The following ARHGAP29 variants were observed in gnomAD, a reference collection of about 807,000 sequenced individuals.
ARHGAP29 encodes rho GTPase-activating protein 29.
ARHGAP29 carries 43 observed loss-of-function variants against 122.6 expected under a neutral mutation model. That is an observed-to-expected ratio of 0.35 (90% confidence interval 0.27 to 0.45). The LOEUF (loss-of-function observed/expected upper bound fraction) is 0.45. Among genes scored for constraint, ARHGAP29 ranks in the 20% least tolerant of loss-of-function variants. ARHGAP29 has a pLI of 1.00. For missense variants in ARHGAP29, 1,303 were observed against 1,477.2 expected (o/e 0.88, Z 1.93); for synonymous variants, 506 against 497.1 (o/e 1.02, Z -0.24).
the ARHGAP29 span, among the ~76,000 whole-genome samples, chr1:94,312,579 G>C: frequency 6.6e-6 from 1 of 151,730 alleles, no homozygotes; most frequent in Non-Finnish European, 1.5e-5. Flanking sequence ...TTACAGGTGT[G>C]TGCCACCACA....
At chr1:94,311,062 C>A in the ARHGAP29 span, among the ~76,000 whole-genome samples, 2 of 152,212 alleles carry the variant, frequency 1.3e-5, no homozygotes, top group Non-Finnish European at 2.9e-5. Flanking sequence ...CCTTGCCTCT[C>A]TCCTCTTGGC....
At chr1:94,207,650 T>TAA (rs1364926609) in intron 5 of ARHGAP29, among the ~76,000 whole-genome samples, 3 of 152,142 alleles carry the variant, frequency 2.0e-5, no homozygotes, top group African/African-American at 7.2e-5. Context: ...TTAAACATCT[T>TAA]ACAACTTTTC....
At chr1:94,196,478 G>T (rs1650488629) in intron 12 of ARHGAP29, among the ~76,000 whole-genome samples, 1 of 151,236 alleles carries the variant, frequency 6.6e-6, no homozygotes, top group African/African-American at 2.4e-5. Flanking sequence ...AGCCAGGATG[G>T]TCTCGATCTC....
At chr1:94,215,710 C>G (rs1651917908) in intron 3 of ARHGAP29, among the ~76,000 whole-genome samples, 1 of 151,982 alleles carries the variant, frequency 6.6e-6, no homozygotes, top group African/African-American at 2.4e-5. Flanking sequence ...GCAGAGAAGC[C>G]TTTCCTAATA....
At chr1:94,180,019 TACTAACAGTTACAGAGTG>T (rs1423396712) in intron 19 of ARHGAP29, 62 bp from the exon 20 acceptor site, 3 of 1,099,090 alleles carry the variant, frequency 2.7e-6, no homozygotes, top group Non-Finnish European at 3.9e-6. Context: ...AATCAACTAT[TACTAACAGTTACAGAGTG>T]ATTTAGCATG....
intron 2 of ARHGAP29, among the ~76,000 whole-genome samples, chr1:94,222,775 A>AT (rs1034696535): frequency 2.6e-5 from 4 of 152,218 alleles, no homozygotes; most frequent in African/African-American, 9.6e-5. Context: ...TCTAAGAGAT[A>AT]TAAGATGTTA....
chr1:94,239,546 GGAAA>G (rs777780226), upstream of ARHGAP29, among the ~76,000 whole-genome samples: 55 of 151,424 alleles, frequency 3.6e-4, no homozygotes, highest in Admixed American at 2.4e-3. Flanking sequence ...TATGTGAGAA[GGAAA>G]GAGAGACAAC....
intron 2 of ARHGAP29, among the ~76,000 whole-genome samples, chr1:94,221,630 T>C (rs1304780042): frequency 1.3e-5 from 2 of 150,764 alleles, no homozygotes; most frequent in African/African-American, 2.4e-5. Flanking sequence ...TATATATACA[T>C]ACATATGTAC....
Position 94,173,669 on chromosome 1 carries a change from A to T in ARHGAP29, c.*200T>A. The stretch of plus-strand genomic sequence containing the variant: ...AAATACAGAATTTAAAGATAATTCC[A>T]GTGAGGCACAAATGTGACCCTATCA... On this transcript the variant is annotated 3_prime_UTR_variant, in exon 23 of 23. Coordinates refer to ENST00000260526, the MANE Select transcript of ARHGAP29 (RefSeq NM_004815.4). 3.6e-6 allele frequency: 2 copies of T among 550,402 alleles called. No homozygotes were observed. The highest frequency in any genetic ancestry group is 6.0e-5 in the East Asian group (2 of 33,476). 34.1% of individuals were successfully genotyped at this position (550,402 alleles called of 1,614,324 possible). A position where few individuals can be genotyped will look rare whatever the true frequency, so the allele number is the denominator to read the frequency against.
At chr1:94,234,260 T>C (rs1653113607) in intron 1 of ARHGAP29, among the ~76,000 whole-genome samples, 1 of 152,262 alleles carries the variant, frequency 6.6e-6, no homozygotes, top group South Asian at 2.1e-4. Flanking sequence ...GTATGAGGAA[T>C]GAACTACTTA....
chr1:94,278,877 A>T (rs1293455608), upstream of ARHGAP29, among the ~76,000 whole-genome samples: 1 of 152,222 alleles, frequency 6.6e-6, no homozygotes, highest in Non-Finnish European at 1.5e-5. Flanking sequence ...AGCTCCAAGC[A>T]TTAGGGCTTC....
chr1:94,205,493 G>GCT, intron 6 of ARHGAP29, 142 bp downstream of exon 6: 1 of 768,966 alleles, frequency 1.3e-6, no homozygotes, highest in Non-Finnish European at 2.1e-6. Flanking sequence ...TTTCCCTTAA[G>GCT]CTCTATATGT....
intron 19 of ARHGAP29, among the ~76,000 whole-genome samples, chr1:94,182,419 A>T (rs995906561): frequency 1.3e-5 from 2 of 152,190 alleles, no homozygotes; most frequent in Admixed American, 6.5e-5. Context: ...GGAAGTTCCA[A>T]AAACTAAAGG....
At chr1:94,175,793 C>T (rs916222399) in intron 22 of ARHGAP29, among the ~76,000 whole-genome samples, 2 of 152,106 alleles carry the variant, frequency 1.3e-5, no homozygotes, top group African/African-American at 2.4e-5. Context: ...CAACCTCTGC[C>T]TCCTGGGTTC....
chr1:94,302,407 A>T, the ARHGAP29 span: 1 of 359,218 alleles, frequency 2.8e-6, no homozygotes, highest in Non-Finnish European at 5.4e-6. Context: ...TGATGCCCCC[A>T]CGTTCGTGAT....
upstream of ARHGAP29, chr1:94,237,821 G>A (rs760979266): frequency 3.5e-5 from 34 of 967,958 alleles, no homozygotes; most frequent in Non-Finnish European, 3.9e-5. Flanking sequence ...GACAGGCAGA[G>A]CGACTCAGAG....
chr1:94,208,189 C>T (rs930919699), intron 5 of ARHGAP29, among the ~76,000 whole-genome samples: 27 of 152,142 alleles, frequency 1.8e-4, no homozygotes, highest in African/African-American at 6.5e-4. Flanking sequence ...TGGTCTTGAA[C>T]TCCTAGCTTC....
rs533053925 is a variant in ARHGAP29 at position 94,203,826 on chromosome 1, T to C, written c.762+104A>G. Reference sequence around the variant, plus strand: ...TTTTGTCAATAAAAAGATCAGCATTTAAGTGCTTTCCTATATTAACTGAAA... The same window carrying C: ...TTTTGTCAATAAAAAGATCAGCATTCAAGTGCTTTCCTATATTAACTGAAA... On this transcript the variant is annotated intron_variant, in intron 8 of 22. Transcript: ENST00000260526. The C allele has an allele frequency of 4.7e-5, 42 of 898,490 alleles. No homozygotes were observed. In the African/African-American group the frequency reaches 6.7e-4, roughly 14 times the overall value. The allele number at this position is 898,490 out of a possible 1,614,324, so 55.7% of individuals were successfully genotyped here. A position where few individuals can be genotyped will look rare whatever the true frequency, so the allele number is the denominator to read the frequency against.
chr1:94,264,277 G>A (rs1379367545), intron 1 of ARHGAP29, among the ~76,000 whole-genome samples: 6 of 152,108 alleles, frequency 3.9e-5, no homozygotes, highest in Non-Finnish European at 8.8e-5. Flanking sequence ...TCCTCTCTGA[G>A]TCTTTCTGCA....
Sources: gnomAD v4.1 joint callset for allele counts (sites outside exome capture counted in the v4.1 genomes callset) on GRCh38, gnomAD v4.1.1 for gene constraint, MANE v1.5 for transcripts, NCBI Gene and HGNC (gene_info 2026-07-23, HGNC 2026-07-21) for gene names.